The following ANKFN1 variants were observed in gnomAD, a reference collection of about 807,000 sequenced individuals.
The protein encoded by ANKFN1 is ankyrin repeat and fibronectin type III domain containing 1.
ANKFN1 carries 74 observed loss-of-function variants against 108.7 expected under a neutral mutation model. The observed-to-expected ratio is 0.68, with a 90% CI of 0.56 to 0.83. The LOEUF is 0.83. ANKFN1 is among the 40% of genes least tolerant of loss of function. The probability of loss-of-function intolerance (pLI) is 0.00; values close to 1 mark genes in which losing one functional copy is unlikely to be tolerated. For missense variants in ANKFN1, 1,505 were observed against 1,382.3 expected, an observed-to-expected ratio of 1.09 and a Z score of -1.41; for synonymous variants, 547 against 516.2, an observed-to-expected ratio of 1.06 and a Z score of -0.81.
At chr17:56,269,659 C>G (rs1168881726) in intron 3 of ANKFN1, among the ~76,000 whole-genome samples, 2 of 152,152 alleles carry the variant, frequency 1.3e-5, no homozygotes, top group African/African-American at 4.8e-5. Flanking sequence ...TTTGGTGAAG[C>G]ATAATTTTAA....
At chr17:56,326,837 A>T (rs1047113326) in intron 4 of ANKFN1, among the ~76,000 whole-genome samples, 4 of 152,216 alleles carry the variant, frequency 2.6e-5, no homozygotes, top group Admixed American at 6.5e-5. Flanking sequence ...CTGGGCAAGC[A>T]GAGTGGAATG....
chr17:56,127,834 G>A (rs1462317285), intron 4 of ANKFN1, among the ~76,000 whole-genome samples: 2 of 152,192 alleles, frequency 1.3e-5, no homozygotes, highest in African/African-American at 2.4e-5. Flanking sequence ...GAGAAAGGAA[G>A]AACTGGGGGC....
intron 4 of ANKFN1, among the ~76,000 whole-genome samples, chr17:56,132,958 T>G (rs1907373983): frequency 6.6e-6 from 1 of 152,192 alleles, no homozygotes; most frequent in Admixed American, 6.5e-5. Context: ...CCATAGCAAG[T>G]CATGAGGATT....
chr17:56,373,538 G>T (rs2046867434), intron 7 of ANKFN1, among the ~76,000 whole-genome samples: 1 of 152,148 alleles, frequency 6.6e-6, no homozygotes, highest in Non-Finnish European at 1.5e-5. Flanking sequence ...AAAAAAATTA[G>T]GCTGGAAATT....
intron 4 of ANKFN1, among the ~76,000 whole-genome samples, chr17:56,345,004 C>T (rs1006536609): frequency 2.6e-5 from 4 of 152,014 alleles, no homozygotes; most frequent in Admixed American, 6.6e-5. Flanking sequence ...TTTTAAGCCC[C>T]GCATGTATTA....
intron 4 of ANKFN1, among the ~76,000 whole-genome samples, chr17:56,068,141 T>G (rs1905081886): frequency 6.6e-6 from 1 of 152,116 alleles, no homozygotes; most frequent in Non-Finnish European, 1.5e-5. Context: ...CCCACCTGTA[T>G]GCATCTGGGA....
chr17:56,085,180 CATAT>C (rs10572105), intron 4 of ANKFN1, among the ~76,000 whole-genome samples: 65,698 of 137,566 alleles, frequency 0.48, 18,445 homozygotes, highest in Non-Finnish European at 0.63. Flanking sequence ...CCCTCCAAAG[CATAT>C]ATATATATAT....
intron 4 of ANKFN1, among the ~76,000 whole-genome samples, chr17:56,329,185 G>A (rs990808218): frequency 2.4e-4 from 36 of 152,130 alleles, no homozygotes; most frequent in Non-Finnish European, 7.4e-5. Flanking sequence ...AAGTTCTTTG[G>A]TGGTCTGGCC....
At chr17:56,371,035 T>G (rs1323933801) in intron 6 of ANKFN1, among the ~76,000 whole-genome samples, 1 of 152,070 alleles carries the variant, frequency 6.6e-6, no homozygotes, top group African/African-American at 2.4e-5. Flanking sequence ...TATTCTGGCC[T>G]CCTTTAGCCT....
At chr17:56,389,754 G>A (rs1041100621) in intron 8 of ANKFN1, among the ~76,000 whole-genome samples, 4 of 152,184 alleles carry the variant, frequency 2.6e-5, no homozygotes, top group Non-Finnish European at 4.4e-5. Flanking sequence ...ATAGACCCAT[G>A]GAGTAATAAG....
chr17:56,293,990 C>T (rs148856907), intron 3 of ANKFN1, among the ~76,000 whole-genome samples: 6 of 152,248 alleles, frequency 3.9e-5, no homozygotes, highest in East Asian at 3.9e-4. Flanking sequence ...AGATTCTCTC[C>T]GCAAAGGAGG....
intron 3 of ANKFN1, among the ~76,000 whole-genome samples, chr17:56,286,226 A>G (rs182461369): frequency 1.5e-4 from 23 of 152,256 alleles, no homozygotes; most frequent in African/African-American, 4.8e-4. Flanking sequence ...AGAGAAAACT[A>G]TGATGTTATC....
At chr17:56,237,335 G>T (rs960468099) in intron 3 of ANKFN1, among the ~76,000 whole-genome samples, 2 of 152,130 alleles carry the variant, frequency 1.3e-5, no homozygotes. Context: ...AGTAGGAATT[G>T]TACCAGCTCT....
chr17:56,445,690 TG>T (rs1473214446), intron 10 of ANKFN1, among the ~76,000 whole-genome samples: 3 of 152,204 alleles, frequency 2.0e-5, no homozygotes, highest in Non-Finnish European at 2.9e-5. Flanking sequence ...ATTGGAAATT[TG>T]GTAATATGTT....
chr17:56,081,033 G>A (rs180821644), intron 4 of ANKFN1, among the ~76,000 whole-genome samples: 1 of 152,178 alleles, frequency 6.6e-6, no homozygotes, highest in Non-Finnish European at 1.5e-5. Context: ...GGAAGAGCGT[G>A]GAATACAAAG....
intron 1 of ANKFN1, among the ~76,000 whole-genome samples, chr17:56,186,971 C>A (rs1195939748): frequency 6.6e-6 from 1 of 152,148 alleles, no homozygotes; most frequent in African/African-American, 2.4e-5. Context: ...AGACCTAAAA[C>A]CATAAAAACC....
chr17:56,173,930 T>C (rs944518878), intron 1 of ANKFN1, among the ~76,000 whole-genome samples: 4 of 152,246 alleles, frequency 2.6e-5, no homozygotes, highest in Admixed American at 2.6e-4. Context: ...TATTAATTAC[T>C]TGGCTGACAT....
intron 4 of ANKFN1, among the ~76,000 whole-genome samples, chr17:56,068,529 A>C (rs149278261): frequency 6.6e-6 from 1 of 152,154 alleles, no homozygotes; most frequent in Non-Finnish European, 1.5e-5. Flanking sequence ...GGCAAATGGC[A>C]TGAGTGCCCA....
rs374467634 is a variant in ANKFN1 at position 56,087,042 on chromosome 17, C to T, written c.288+40717C>T. Among the ~76,000 whole-genome samples, 38 of 151,322 alleles carry T rather than the reference C, an allele frequency of 2.5e-4. 3 individuals are homozygous for T. In the South Asian group the frequency reaches 7.7e-3, roughly 31 times the overall value. On this transcript the variant is annotated intron_variant, in intron 4 of 12. Transcript: ENST00000635860. Reference sequence around the variant, plus strand: ...TATGTCTAAAATGGTACACAGGAAACACTTATGTTGGTTGTTGCTGCTGCC... The same window carrying T: ...TATGTCTAAAATGGTACACAGGAAATACTTATGTTGGTTGTTGCTGCTGCC...
Sources: gnomAD v4.1 joint callset for allele counts (sites outside exome capture counted in the v4.1 genomes callset) on GRCh38, gnomAD v4.1.1 for gene constraint, MANE v1.5 for transcripts, NCBI Gene and HGNC (gene_info 2026-07-23, HGNC 2026-07-21) for gene names.